GRM7: variants seen among roughly 807,000 people sequenced by gnomAD.
GRM7 encodes metabotropic glutamate receptor 7.
A neutral mutation model predicts 84.5 loss-of-function variants in GRM7; 35 were observed. The ratio of observed to expected loss-of-function variants is 0.41; its 90% CI spans 0.32 to 0.55. GRM7 has a LOEUF of 0.55. Among genes scored for constraint, GRM7 ranks in the 20% least tolerant of loss-of-function variants. GRM7 has a pLI of 0.19. For missense variants in GRM7, 1,003 were observed against 1,194.6 expected (o/e 0.84, Z 2.36); for synonymous variants, 487 against 455.1 (o/e 1.07, Z -0.89).
intron 1 of GRM7, among the ~76,000 whole-genome samples, chr3:7,070,948 T>G (rs998711621): frequency 2.0e-5 from 3 of 152,146 alleles, no homozygotes; most frequent in Non-Finnish European, 4.4e-5. Context: ...TTTAATTTGC[T>G]TTTTAAAATT....
At chr3:7,324,011 A>G (rs538984643) in intron 4 of GRM7, among the ~76,000 whole-genome samples, 1 of 152,250 alleles carries the variant, frequency 6.6e-6, no homozygotes, top group South Asian at 2.1e-4. Context: ...GGTGGCACCA[A>G]TTTCTCATGC....
intron 5 of GRM7, among the ~76,000 whole-genome samples, chr3:7,430,194 A>G (rs1049853598): frequency 1.3e-5 from 2 of 152,240 alleles, no homozygotes; most frequent in Non-Finnish European, 2.9e-5. Context: ...GTATAATTTA[A>G]TGGTTGCAGC....
chr3:7,169,774 T>C (rs1390072712), intron 2 of GRM7, among the ~76,000 whole-genome samples: 1 of 152,206 alleles, frequency 6.6e-6, no homozygotes, highest in Admixed American at 6.5e-5. Context: ...AATAGAGACG[T>C]ACTTTTGCCA....
chr3:7,274,682 G>A (rs1268019274), intron 2 of GRM7, among the ~76,000 whole-genome samples: 1 of 151,802 alleles, frequency 6.6e-6, no homozygotes. Flanking sequence ...TTTCACCCAT[G>A]GATTCTTTCA....
intron 2 of GRM7, among the ~76,000 whole-genome samples, chr3:7,230,546 A>T (rs1430597698): frequency 1.3e-5 from 2 of 152,220 alleles, no homozygotes; most frequent in African/African-American, 2.4e-5. Flanking sequence ...TATAACTTTA[A>T]TTCTTCTCTT....
chr3:7,656,209 G>C (rs1013464733), intron 8 of GRM7, among the ~76,000 whole-genome samples: 4 of 152,024 alleles, frequency 2.6e-5, no homozygotes, highest in African/African-American at 4.8e-5. Context: ...GCATTTCCTG[G>C]CTGGGCGCGA....
At chr3:7,505,736 C>T (rs1700021017) in intron 7 of GRM7, among the ~76,000 whole-genome samples, 1 of 152,204 alleles carries the variant, frequency 6.6e-6, no homozygotes, top group African/African-American at 2.4e-5. Context: ...TGCTGGAATG[C>T]AGAGAGCAGA....
At chr3:7,411,525 T>C (rs1695935976) in intron 4 of GRM7, among the ~76,000 whole-genome samples, 1 of 152,160 alleles carries the variant, frequency 6.6e-6, no homozygotes, top group Admixed American at 6.5e-5. Context: ...AATTTCAATG[T>C]TTTTCTTTGT....
chr3:7,201,324 A>G (rs1297564762), intron 2 of GRM7, among the ~76,000 whole-genome samples: 1 of 152,158 alleles, frequency 6.6e-6, no homozygotes, highest in Non-Finnish European at 1.5e-5. Flanking sequence ...TCTAATGGTC[A>G]TCTTGAATTA....
chr3:7,605,347 A>C (rs1010625184), intron 8 of GRM7, among the ~76,000 whole-genome samples: 1 of 152,186 alleles, frequency 6.6e-6, no homozygotes, highest in Admixed American at 6.6e-5. Flanking sequence ...TGACAAGGAA[A>C]TGTAGTTGTT....
chr3:7,663,847 T>C (rs892555435), intron 8 of GRM7, among the ~76,000 whole-genome samples: 4 of 152,142 alleles, frequency 2.6e-5, no homozygotes, highest in Non-Finnish European at 2.9e-5. Context: ...CCCACAAATA[T>C]TAAGTGAAAG....
At chr3:7,117,743 G>T (rs1208632922) in intron 1 of GRM7, among the ~76,000 whole-genome samples, 1 of 152,186 alleles carries the variant, frequency 6.6e-6, no homozygotes, top group East Asian at 1.9e-4. Context: ...CAAATCCTTA[G>T]TCAATCGAGG....
intron 7 of GRM7, among the ~76,000 whole-genome samples, chr3:7,520,499 G>A (rs1351328923): frequency 1.6e-5 from 2 of 124,130 alleles, no homozygotes; most frequent in Admixed American, 1.6e-4. Context: ...TGACTCTCTA[G>A]ACCTGAAAAA....
Position 7,064,479 on chromosome 3 carries a change from T to TATATATATATATATATATACAC in GRM7, c.520-81972_520-81971insTATATATATATATATATACACA. 3.7e-3 allele frequency among the ~76,000 whole-genome samples: 366 copies of TATATATATATATATATATACAC among 99,250 alleles called. 10 individuals are homozygous for TATATATATATATATATATACAC. The highest frequency in any genetic ancestry group is 0.01 in the African/African-American group (268 of 25,686). The allele number at this position is 99,250 out of a possible 152,430, so 65.1% of individuals were successfully genotyped here. A position where few individuals can be genotyped will look rare whatever the true frequency, so the allele number is the denominator to read the frequency against. ...ATATATATACATATATATATATATATACACACATATACATATATATATACA... is the reference window on the plus strand; with the variant it reads ...ATATATATACATATATATATATATATATATATATATATATATATACACACACACATATACATATATATATACA... On this transcript the variant is annotated intron_variant, in intron 1 of 9. Transcript: ENST00000357716.
rs181991262 is a variant in GRM7, at chr3:6,956,190, C to T, written c.519+94283C>T. Among the ~76,000 whole-genome samples, 41 of 152,280 alleles carry T rather than the reference C, an allele frequency of 2.7e-4. No individual in the cohort carries two copies. In the East Asian group the frequency reaches 5.4e-3, roughly 20 times the overall value. The stretch of plus-strand genomic sequence containing the variant: ...AAATAACTCTCTAAGGCAGGGATCA[C>T]GCATGAGTTTTGCCGTATGGGCCAA... On this transcript the variant is annotated intron_variant, in intron 1 of 9. Coordinates refer to ENST00000357716, the MANE Select transcript of GRM7 (RefSeq NM_000844.4).
intron 2 of GRM7, among the ~76,000 whole-genome samples, chr3:7,296,666 C>A (rs7640834): frequency 6.6e-6 from 1 of 152,022 alleles, no homozygotes; most frequent in East Asian, 1.9e-4. Context: ...GTAGAGTTAT[C>A]ACTAATATCC....
intron 7 of GRM7, among the ~76,000 whole-genome samples, chr3:7,556,608 C>G (rs577013192): frequency 1.3e-5 from 2 of 152,134 alleles, no homozygotes; most frequent in Non-Finnish European, 2.9e-5. Context: ...GATGAGGACT[C>G]AACTGGTGAA....
intron 9 of GRM7, among the ~76,000 whole-genome samples, chr3:7,725,919 A>G (rs547867557): frequency 6.6e-6 from 1 of 152,292 alleles, no homozygotes; most frequent in East Asian, 1.9e-4. Flanking sequence ...CTCCAACGTT[A>G]GGGGGAGAAG....
At chr3:7,365,667 A>ATG (rs1693857232) in intron 4 of GRM7, among the ~76,000 whole-genome samples, 1 of 141,326 alleles carries the variant, frequency 7.1e-6, no homozygotes, top group African/African-American at 2.6e-5. Context: ...ATATATATAC[A>ATG]CACACGCACA....
Sources: allele counts gnomAD v4.1 joint callset (sites outside exome capture counted in the v4.1 genomes callset), GRCh38; gene constraint gnomAD v4.1.1; transcripts MANE v1.5; gene names NCBI Gene and HGNC (gene_info 2026-07-23, HGNC 2026-07-21).